ROBO2: variants seen among roughly 807,000 people sequenced by gnomAD.
ROBO2 encodes roundabout guidance receptor 2.
A neutral mutation model predicts 160.8 loss-of-function variants in ROBO2; 53 were observed. That is an observed-to-expected ratio of 0.33 (90% CI 0.26 to 0.41). ROBO2 has a LOEUF of 0.41. ROBO2 is among the 10% of genes least tolerant of loss of function. The probability of loss-of-function intolerance (pLI) is 1.00; values close to 1 mark genes in which losing one functional copy is unlikely to be tolerated. For synonymous variants in ROBO2, 664 were observed against 611.7 expected, an observed-to-expected ratio of 1.09 and a Z score of -1.26; for missense variants, 1,577 against 1,722.4, an observed-to-expected ratio of 0.92 and a Z score of 1.49.
At chr3:77,624,497 G>A (rs1228152109) in intron 23 of ROBO2, among the ~76,000 whole-genome samples, 1 of 152,138 alleles carries the variant, frequency 6.6e-6, no homozygotes, top group Non-Finnish European at 1.5e-5. Flanking sequence ...CCCTGAGGTA[G>A]ATGTATATAG....
chr3:77,035,567 T>A (rs114688304), upstream of ROBO2, among the ~76,000 whole-genome samples: 5,058 of 152,048 alleles, frequency 0.033, 123 homozygotes, highest in Non-Finnish European at 0.053. Context: ...AAATTCAGAT[T>A]TATAACTTCA....
chr3:76,661,712 A>G (rs2091829591), intron 2 of ROBO2, among the ~76,000 whole-genome samples: 1 of 152,144 alleles, frequency 6.6e-6, no homozygotes, highest in African/African-American at 2.4e-5. Context: ...GTGGAAGCCA[A>G]GGTTCTTGTT....
chr3:77,577,412 T>G, intron 14 of ROBO2, 78 bp from the exon 16 acceptor site: 8 of 1,592,196 alleles, frequency 5.0e-6, no homozygotes, highest in Non-Finnish European at 6.9e-6. Flanking sequence ...AACTTGTCTT[T>G]ATACTCATAT....
chr3:76,752,411 T>C (rs1297817785), intron 2 of ROBO2, among the ~76,000 whole-genome samples: 1 of 150,418 alleles, frequency 6.6e-6, no homozygotes, highest in Non-Finnish European at 1.5e-5. Context: ...GTTGTGCACA[T>C]GTACCCTAGA....
rs192130915 is a variant in ROBO2 at position 75,907,898 on chromosome 3, T to A, written c.-14+938T>A. On this transcript the variant is annotated intron_variant, in intron 1 of 26. Coordinates refer to the ROBO2 transcript ENST00000487694. Reference sequence around the variant, plus strand: ...GTGTGTGTGTATCAGAGAGACAAAATTCCTTGGAGGTATTATGACTTTATT... The same window carrying A: ...GTGTGTGTGTATCAGAGAGACAAAAATCCTTGGAGGTATTATGACTTTATT... Among the ~76,000 whole-genome samples, 745 of 149,412 alleles carry A rather than the reference T, an allele frequency of 5.0e-3. 4 individuals carry two copies. The highest frequency in any genetic ancestry group is 0.01 in the Middle Eastern group (3 of 288).
intron 2 of ROBO2, among the ~76,000 whole-genome samples, chr3:76,219,869 C>T (rs1703841149): frequency 6.6e-6 from 1 of 152,064 alleles, no homozygotes; most frequent in South Asian, 2.1e-4. Flanking sequence ...TATAAAGACA[C>T]ATGCACACAT....
intron 2 of ROBO2, among the ~76,000 whole-genome samples, chr3:76,302,052 G>A (rs1303143640): frequency 6.6e-6 from 1 of 151,978 alleles, no homozygotes; most frequent in Non-Finnish European, 1.5e-5. Flanking sequence ...CTTGTATCCA[G>A]ACTTTTTCAT....
At chr3:77,098,849 C>G (rs967499325) in intron 2 of ROBO2, among the ~76,000 whole-genome samples, 1 of 148,774 alleles carries the variant, frequency 6.7e-6, no homozygotes, top group Non-Finnish European at 1.5e-5. Context: ...GAGCGAGACT[C>G]CGTCTCAAAA....
At chr3:77,339,336 G>A (rs1294278362) in intron 2 of ROBO2, among the ~76,000 whole-genome samples, 1 of 152,052 alleles carries the variant, frequency 6.6e-6, no homozygotes, top group Non-Finnish European at 1.5e-5. Flanking sequence ...AACCAAAGAA[G>A]ATGCCAAACT....
At chr3:76,023,675 T>C (rs886365300) in intron 2 of ROBO2, among the ~76,000 whole-genome samples, 2 of 151,560 alleles carry the variant, frequency 1.3e-5, no homozygotes, top group African/African-American at 4.8e-5. Context: ...TAACCATAAC[T>C]ATAAATATAA....
In ROBO2 at chr3:77,367,165, T is replaced by A. The variant is rs578058396; in HGVS notation, c.389-110249T>A. On this transcript the variant is annotated intron_variant, in intron 2 of 25. Transcript: ENST00000461745. ...TTGTACACATACCACTCATTGGAAC[T>A]GCAAGACCACCAGGTTACCGTATGA... 1.1e-3 allele frequency among the ~76,000 whole-genome samples: 168 copies of A among 152,264 alleles called. 1 individual carries two copies. The highest frequency in any genetic ancestry group is 6.8e-3 in the Middle Eastern group (2 of 294).
chr3:76,458,658 C>T (rs1471092862), intron 2 of ROBO2, among the ~76,000 whole-genome samples: 1 of 152,046 alleles, frequency 6.6e-6, no homozygotes, highest in Non-Finnish European at 1.5e-5. Context: ...AAGACATATC[C>T]AAGACTGAGA....
At chr3:75,939,100 T>C (rs1947923704) in intron 2 of ROBO2, among the ~76,000 whole-genome samples, 1 of 152,054 alleles carries the variant, frequency 6.6e-6, no homozygotes, top group Non-Finnish European at 1.5e-5. Flanking sequence ...ACGTGTAGTA[T>C]GACACAGGGT....
intron 2 of ROBO2, among the ~76,000 whole-genome samples, chr3:77,464,331 G>A (rs1278233699): frequency 2.0e-5 from 3 of 152,138 alleles, no homozygotes; most frequent in South Asian, 2.1e-4. Flanking sequence ...GGAGTTCCAA[G>A]TCCCTAAGAG....
Position 76,738,193 on chromosome 3 carries a change from C to A in ROBO2, c.110-359821C>A, listed in dbSNP as rs548195922. On this transcript the variant is annotated intron_variant, in intron 2 of 26. Transcript: ENST00000487694. ...GCCTTTAACAAATATTTATTGCGTG[C>A]CTACTCTGCGAAAAGCCACTTTTCT... 3.9e-5 allele frequency among the ~76,000 whole-genome samples: 6 copies of A among 151,988 alleles called. No homozygotes were observed. In the South Asian group the frequency reaches 8.3e-4, roughly 21 times the overall value.
At chr3:76,551,112 C>T (rs2083390793) in intron 2 of ROBO2, among the ~76,000 whole-genome samples, 1 of 151,998 alleles carries the variant, frequency 6.6e-6, no homozygotes, top group African/African-American at 2.4e-5. Flanking sequence ...CCAGTCCCAC[C>T]CATGGCCATC....
At chr3:76,577,993 A>G (rs1277916290) in intron 2 of ROBO2, among the ~76,000 whole-genome samples, 1 of 152,068 alleles carries the variant, frequency 6.6e-6, no homozygotes, top group Admixed American at 6.6e-5. Flanking sequence ...TTAACTTTCA[A>G]ATTTCCTTCT....
intron 2 of ROBO2, among the ~76,000 whole-genome samples, chr3:76,644,398 A>G (rs1038121638): frequency 6.6e-6 from 1 of 152,188 alleles, no homozygotes; most frequent in African/African-American, 2.4e-5. Context: ...AGTCTCACCC[A>G]TGTCAATCAC....
intron 2 of ROBO2, among the ~76,000 whole-genome samples, chr3:77,471,923 G>C (rs192257903): frequency 6.6e-6 from 1 of 152,054 alleles, no homozygotes; most frequent in African/African-American, 2.4e-5. Context: ...TGCAGGATGC[G>C]CCAATTTCCC....
Sources: gnomAD v4.1 joint callset for allele counts (sites outside exome capture counted in the v4.1 genomes callset) on GRCh38, gnomAD v4.1.1 for gene constraint, MANE v1.5 for transcripts, NCBI Gene and HGNC (gene_info 2026-07-23, HGNC 2026-07-21) for gene names.